The following TMPRSS13 variants were observed in gnomAD, a reference collection of about 807,000 sequenced individuals.
The protein encoded by TMPRSS13 is transmembrane protease serine 13.
A neutral mutation model predicts 68.4 loss-of-function variants in TMPRSS13; 50 were observed. The observed-to-expected ratio is 0.73, with a 90% CI of 0.58 to 0.93. The LOEUF is 0.93. TMPRSS13 is among the 40% of genes least tolerant of loss of function. The pLI is 0.00. For missense variants in TMPRSS13, 615 were observed against 729.2 expected, an observed-to-expected ratio of 0.84 and a Z score of 1.80; for synonymous variants, 267 against 285.8, an observed-to-expected ratio of 0.93 and a Z score of 0.66.
chr11:117,909,048 C>CG (rs1031550903), intron 8 of TMPRSS13, among the ~76,000 whole-genome samples: 87 of 152,134 alleles, frequency 5.7e-4, no homozygotes, highest in African/African-American at 2.1e-3. Context: ...GCACTCCCCC[C>CG]CCACTATCTC....
chr11:117,922,486 C>G lies in TMPRSS13; in HGVS notation c.22-3648G>C, dbSNP rs1205955017. Among the ~76,000 whole-genome samples the G allele has an allele frequency of 6.6e-6, 1 of 152,200 alleles. No homozygotes were observed. The highest frequency in any genetic ancestry group is 2.1e-4 in the South Asian group (1 of 4,834). On this transcript the variant is annotated intron_variant, in intron 1 of 12. Transcript: ENST00000524993. This position sits in a 1 kb window ranked among gnomAD's most constrained non-coding sequence, Gnocchi z 4.2. ...TTGATCTTGCGCCCGCCTCAGCCTC[C>G]CAAAGTGCTGGGATTACAGGCGTGA... is the stretch of plus-strand genomic sequence containing the variant.
intron 12 of TMPRSS13, 196 bp downstream of exon 12, chr11:117,903,459 G>A (rs2057428842): frequency 1.3e-6 from 2 of 1,537,830 alleles, no homozygotes. Flanking sequence ...GCTCTGTTCT[G>A]AGGGAAGAAA....
At chr11:117,919,503 G>A (rs1292035138) in intron 1 of TMPRSS13, among the ~76,000 whole-genome samples, 1 of 152,230 alleles carries the variant, frequency 6.6e-6, no homozygotes. Context: ...CTCCTGGGGT[G>A]GCCTGGGCCT....
intron 9 of TMPRSS13, chr11:117,908,233 C>T (rs1565346278): frequency 3.9e-6 from 2 of 514,462 alleles, no homozygotes; most frequent in Non-Finnish European, 6.4e-6. Context: ...ATAGTGCCTG[C>T]TCCACAGGGT....
chr11:117,925,726 G>A (rs1330043509), intron 1 of TMPRSS13, among the ~76,000 whole-genome samples: 1 of 152,206 alleles, frequency 6.6e-6, no homozygotes, highest in Non-Finnish European at 1.5e-5. Flanking sequence ...TGCCCACTTG[G>A]CCAGGCACAT....
intron 9 of TMPRSS13, among the ~76,000 whole-genome samples, chr11:117,907,013 G>A (rs1389960180): frequency 6.6e-6 from 1 of 152,186 alleles, no homozygotes; most frequent in African/African-American, 2.4e-5. Flanking sequence ...GCCTATTGGA[G>A]CCTGGAGGGA....
chr11:117,903,551 G>A, intron 12 of TMPRSS13, 104 bp downstream of exon 12: 12 of 1,582,762 alleles, frequency 7.6e-6, no homozygotes, highest in Non-Finnish European at 9.5e-6. Flanking sequence ...CGAATATGGG[G>A]ACGCTGAGGG....
At chr11:117,910,567 G>T in intron 7 of TMPRSS13, 140 bp downstream of exon 7, 1 of 773,462 alleles carries the variant, frequency 1.3e-6, no homozygotes, top group East Asian at 2.8e-5. Flanking sequence ...AGGGACTCCA[G>T]CCCTGAAGCA....
chr11:117,925,849 G>A (rs933186045), intron 1 of TMPRSS13, among the ~76,000 whole-genome samples: 1 of 152,210 alleles, frequency 6.6e-6, no homozygotes, highest in Non-Finnish European at 1.5e-5. Context: ...CCAGCCCAGG[G>A]CCCAATACAC....
chr11:117,909,796 A>G lies in TMPRSS13; in HGVS notation c.1109+10T>C. ...GGCAGTGTCAAATCACCTGCCTCTC[A>G]GGCACTTACACGAAGAAGCAGTGGG... On this transcript the variant is annotated intron_variant, in intron 8 of 12. Coordinates refer to ENST00000524993, the MANE Select transcript of TMPRSS13 (RefSeq NM_001077263.3). 6.2e-7 allele frequency: 1 copy of G among 1,605,140 alleles called. No homozygotes were observed.
rs181738606 is a variant in TMPRSS13, at chr11:117,909,796, A to T, written c.1109+10T>A. ...GGCAGTGTCAAATCACCTGCCTCTCAGGCACTTACACGAAGAAGCAGTGGG... is the reference window on the plus strand; with the variant it reads ...GGCAGTGTCAAATCACCTGCCTCTCTGGCACTTACACGAAGAAGCAGTGGG... On this transcript the variant is annotated intron_variant, in intron 8 of 12. Coordinates refer to ENST00000524993, the MANE Select transcript of TMPRSS13 (RefSeq NM_001077263.3). 4,755 of 1,605,132 alleles carry T rather than the reference A, an allele frequency of 3.0e-3. 18 individuals carry two copies. The highest frequency in any genetic ancestry group is 3.1e-3 in the Non-Finnish European group (3,636 of 1,176,116).
At chr11:117,908,955 C>T (rs775869340) in intron 8 of TMPRSS13, among the ~76,000 whole-genome samples, 171 bp from the exon 9 acceptor site, 2 of 152,184 alleles carry the variant, frequency 1.3e-5, no homozygotes, top group Non-Finnish European at 2.9e-5. Context: ...AAAGCAATCC[C>T]CCACAGCCCC....
Position 117,904,071 on chromosome 11 carries a change from T to C in TMPRSS13, c.1412A>G (p.Gln471Arg). The C allele has an allele frequency of 6.2e-7, 1 of 1,614,100 alleles. No individual in the cohort carries two copies. Among genetic ancestry groups the C allele is most frequent in the African/African-American group, 1.3e-5 (1 of 75,054 alleles). Reference sequence around the variant, plus strand: ...TTTCTTGAAGTCGATGAGATTGACCTGCACCTCCCGGAGGAAGGGGGATGT... The same window carrying C: ...TTTCTTGAAGTCGATGAGATTGACCCGCACCTCCCGGAGGAAGGGGGATGT... ...DKTSPFLREV[Q>R]VNLIDFKKCN... Residue 471 changes from glutamine to arginine, a missense_variant, in exon 11 of 13, where the codon CAG becomes CGG. By Grantham distance (43) the Gln-to-Arg change is conservative. Coordinates refer to ENST00000524993, the MANE Select transcript of TMPRSS13 (RefSeq NM_001077263.3).
Position 117,925,745 on chromosome 11 carries a change from G to A in TMPRSS13, c.21+3542C>T, listed in dbSNP as rs532074806. Among the ~76,000 whole-genome samples the A allele has an allele frequency of 1.4e-4, 21 of 152,352 alleles. No homozygotes were observed. The East Asian group carries it at 4.0e-3, about 29-fold the overall frequency. ...CACTTGGCCAGGCACATCCACCCTT[G>A]TTGTTGCTATACCAAGAGGAATCTG... On this transcript the variant is annotated intron_variant, in intron 1 of 12. Coordinates refer to ENST00000524993, the MANE Select transcript of TMPRSS13 (RefSeq NM_001077263.3).
chr11:117,904,158 A>T, intron 10 of TMPRSS13, 57 bp from the exon 11 acceptor site: 1 of 1,584,000 alleles, frequency 6.3e-7, no homozygotes. Context: ...GATTCTAGAT[A>T]GCTTCCTGGC....
intron 3 of TMPRSS13, among the ~76,000 whole-genome samples, chr11:117,916,943 G>C (rs777581905): frequency 1.3e-5 from 2 of 152,176 alleles, no homozygotes; most frequent in African/African-American, 2.4e-5. Context: ...GCACAGATGA[G>C]AGCCAAGCTC....
intron 10 of TMPRSS13, among the ~76,000 whole-genome samples, chr11:117,904,865 A>T (rs1711930092): frequency 1.4e-4 from 1 of 7,314 alleles, no homozygotes; most frequent in African/African-American, 6.9e-4. Flanking sequence ...ATAAGATTAT[A>T]TATATATATA....
intron 10 of TMPRSS13, 52 bp downstream of exon 10, chr11:117,905,586 C>G: frequency 7.0e-7 from 1 of 1,426,050 alleles, no homozygotes; most frequent in South Asian, 1.2e-5. Flanking sequence ...CACATGTATA[C>G]ACACACATGC....
intron 9 of TMPRSS13, chr11:117,907,992 C>T (rs908600683): frequency 4.0e-6 from 4 of 989,672 alleles, no homozygotes; most frequent in Non-Finnish European, 4.8e-6. Flanking sequence ...GTGTAGCCTC[C>T]TTTGGTCCTT....
Sources: allele counts gnomAD v4.1 joint callset (sites outside exome capture counted in the v4.1 genomes callset), GRCh38; gene constraint gnomAD v4.1.1; non-coding constraint Gnocchi (gnomAD v3.1); transcripts MANE v1.5; gene names NCBI Gene and HGNC (gene_info 2026-07-23, HGNC 2026-07-21).